PCGF2: variants seen among roughly 807,000 people sequenced by gnomAD.
The protein encoded by PCGF2 is polycomb group RING finger protein 2.
PCGF2 carries 8 observed loss-of-function variants against 36.1 expected under a neutral mutation model. The ratio of observed to expected loss-of-function variants is 0.22; its 90% CI spans 0.13 to 0.40. PCGF2 has a LOEUF of 0.40. Among genes scored for constraint, PCGF2 ranks in the 10% least tolerant of loss-of-function variants. The pLI, the probability that PCGF2 is intolerant of heterozygous loss-of-function variation, is 1.00. For synonymous variants in PCGF2, 198 were observed against 191.2 expected (o/e 1.04, Z -0.29); for missense variants, 436 against 475.9 (o/e 0.92, Z 0.78).
rs777722903 is a variant in PCGF2, at chr17:38,740,348, C to G, written c.55G>C (p.Ala19Pro). The change falls in exon 3 of 11, where the codon GCC (alanine) becomes CCC (proline). Residue 19 changes from alanine to proline, a missense_variant. Coordinates refer to ENST00000620225, the MANE Select transcript of PCGF2 (RefSeq NM_007144.3). ...ITELNPHLMC[A>P]LCGGYFIDAT... ...TCGATGAAGTACCCCCCGCAGAGGG[C>G]ACACATGAGGTGGGGGTTCAGCTCT... The G allele has an allele frequency of 1.9e-6, 3 of 1,610,554 alleles. No homozygotes were observed. Among genetic ancestry groups the G allele is most frequent in the Non-Finnish European group, 2.5e-6 (3 of 1,178,186 alleles).
At chr17:38,737,439 C>A (rs955412274) in intron 9 of PCGF2, among the ~76,000 whole-genome samples, 2 of 151,692 alleles carry the variant, frequency 1.3e-5, no homozygotes, top group Non-Finnish European at 2.9e-5. Flanking sequence ...CTCCAGCCTG[C>A]GTGACAAAGG....
chr17:38,748,020 AG>A (rs974797999), intron 1 of PCGF2, 49 bp from the exon 2 acceptor site: 1 of 152,560 alleles, frequency 6.6e-6, no homozygotes, highest in African/African-American at 2.4e-5. Context: ...GGAGAAAGAA[AG>A]GCGGACGGGG....
chr17:38,741,422 T>G (rs1351880950), intron 2 of PCGF2, among the ~76,000 whole-genome samples: 1 of 152,130 alleles, frequency 6.6e-6, no homozygotes, highest in Admixed American at 6.5e-5. Context: ...AAATAAGTTA[T>G]CCTTACTCCC....
rs1355560599 is a variant in PCGF2, at chr17:38,735,409, G to T, written c.849C>A (p.Ser283=). The stretch of plus-strand genomic sequence containing the variant: ...GCCCATGGGAACTGGGAGAGCCATG[G>T]GATGGGGTGGCTGGGCTGGGCAGGG... ...SSSLPSPATP[S]HGSPSSHGPP... is the part of the protein sequence containing the mutation. The change falls in exon 11 of 11, where the codon TCC becomes TCA. Residue 283 remains serine (S), a synonymous_variant. Transcript: ENST00000620225. 1 of 1,573,948 alleles carries T rather than the reference G, an allele frequency of 6.4e-7. No homozygotes were observed.
At chr17:38,738,998 G>A (rs887076588) in intron 6 of PCGF2, 70 bp downstream of exon 6, 1 of 1,570,912 alleles carries the variant, frequency 6.4e-7, no homozygotes, top group Non-Finnish European at 8.8e-7. Context: ...AGAGGGTGAG[G>A]GGTAGCGCTA....
At position 38,738,451 on chromosome 17, in the gene PCGF2, G is replaced by T. The variant is rs113926345; in HGVS notation, c.481-3C>A. 1 of 1,613,974 alleles carries T rather than the reference G, an allele frequency of 6.2e-7. No individual in the cohort carries two copies. Among genetic ancestry groups the T allele is most frequent in the East Asian group, 2.2e-5 (1 of 44,886 alleles). ...CATCGCAGGAAGCGCACCCCTGTCTGCTGGGGCACAGGCACCCATGGTAGG... is the reference window on the plus strand; with the variant it reads ...CATCGCAGGAAGCGCACCCCTGTCTTCTGGGGCACAGGCACCCATGGTAGG... On this transcript the variant is annotated splice_region_variant and splice_polypyrimidine_tract_variant and intron_variant, in intron 8 of 10. Coordinates refer to ENST00000620225, the MANE Select transcript of PCGF2 (RefSeq NM_007144.3).
In PCGF2 at chr17:38,734,976, CCACACATACACA is replaced by C. The variant is rs1359868290; in HGVS notation, c.*235_*246del. On this transcript the variant is annotated 3_prime_UTR_variant, in exon 11 of 11. Coordinates refer to ENST00000620225, the MANE Select transcript of PCGF2 (RefSeq NM_007144.3). ...CCCCAAAAAAAATGAACACCATTTT[CCACACATACACA>C]CACACATAAAGTTTGTTTCCTGTGG... The C allele has an allele frequency of 2.9e-6, 1 of 345,068 alleles. No individual in the cohort carries two copies. Among genetic ancestry groups the C allele is most frequent in the Non-Finnish European group, 5.2e-6 (1 of 193,560 alleles). 21.4% of individuals were successfully genotyped at this position (345,068 alleles called of 1,614,324 possible).
intron 10 of PCGF2, 77 bp downstream of exon 10, chr17:38,736,013 G>A (rs2143060710): frequency 1.1e-6 from 1 of 938,598 alleles, no homozygotes; most frequent in East Asian, 2.6e-5. Flanking sequence ...GATTACAGAA[G>A]GGTGGCCCAT....
chr17:38,737,142 C>A (rs1444876507), intron 9 of PCGF2, among the ~76,000 whole-genome samples: 5 of 150,548 alleles, frequency 3.3e-5, no homozygotes, highest in Admixed American at 2.0e-4. Flanking sequence ...TCTCAAAAAA[C>A]AAACAAACAA....
At position 38,739,945 on chromosome 17, in the gene PCGF2, G is replaced by A. The variant is rs1907065186; in HGVS notation, c.113-263C>T. ...GTCCCAAGCTCCCCGATGGAGTGGG[G>A]GACAAAAGCCAGCGTGTTCAAGATG... is the stretch of plus-strand genomic sequence containing the variant. On this transcript the variant is annotated intron_variant, in intron 3 of 10. Transcript: ENST00000620225. The surrounding 1 kb of genome is among the most constrained non-coding windows in gnomAD (Gnocchi z 4.0). 1.3e-5 allele frequency among the ~76,000 whole-genome samples: 2 copies of A among 152,064 alleles called. No individual in the cohort carries two copies. Among genetic ancestry groups the A allele is most frequent in the African/African-American group, 4.8e-5 (2 of 41,396 alleles).
chr17:38,735,345 T>C lies in PCGF2; in HGVS notation c.913A>G (p.Thr305Ala), dbSNP rs1188153848. 1 of 1,555,832 alleles carries C rather than the reference T, an allele frequency of 6.4e-7. No homozygotes were observed. Among genetic ancestry groups the C allele is most frequent in the Non-Finnish European group, 8.7e-7 (1 of 1,147,732 alleles). The change falls in exon 11 of 11, where the codon ACA becomes GCA. Residue 305 changes from threonine to alanine, a missense_variant. Thr to Ala is a moderately conservative substitution (Grantham distance 58). Transcript: ENST00000620225. Reference sequence around the variant, plus strand: ...GCAGCTGTGGTGGCCCCACTGGCTGTCGAAGGGGGAGTGGGGGAGGTAGGG... The same window carrying C: ...GCAGCTGTGGTGGCCCCACTGGCTGCCGAAGGGGGAGTGGGGGAGGTAGGG... ...THPTSPTPPS[T>A]ASGATTAANG...
intron 6 of PCGF2, 61 bp from the exon 7 acceptor site, chr17:38,738,922 C>T (rs2143093141): frequency 3.2e-6 from 5 of 1,550,006 alleles, no homozygotes; most frequent in Non-Finnish European, 4.4e-6. Context: ...CGCCAAGGAC[C>T]CAGAGATCAT....
intron 2 of PCGF2, among the ~76,000 whole-genome samples, chr17:38,742,094 C>T (rs368352249): frequency 1.3e-5 from 2 of 152,178 alleles, no homozygotes; most frequent in African/African-American, 4.8e-5. Context: ...CAGCCAGGCC[C>T]GGGCAGGGTC....
chr17:38,745,496 G>GA (rs1489557385), intron 2 of PCGF2, among the ~76,000 whole-genome samples: 1 of 152,178 alleles, frequency 6.6e-6, no homozygotes, highest in Non-Finnish European at 1.5e-5. Context: ...CAGAGTGAAA[G>GA]AAACTCCATC....
upstream of PCGF2, chr17:38,749,627 G>A (rs1432271084): frequency 4.4e-6 from 2 of 455,838 alleles, no homozygotes; most frequent in Non-Finnish European, 8.8e-6. The surrounding 1 kb of genome is among the most constrained non-coding windows in gnomAD (Gnocchi z 6.5). Context: ...GACGGTGGGA[G>A]GCTCGAGTTA....
chr17:38,738,224 C>T lies in PCGF2; in HGVS notation c.576+129G>A, dbSNP rs1261233385. On this transcript the variant is annotated intron_variant, in intron 9 of 10. Coordinates refer to ENST00000620225, the MANE Select transcript of PCGF2 (RefSeq NM_007144.3). ...TTGGTTTCAACCACCCTTCTGTTAA[C>T]GCATGGGCTCAGTTAACCGCGCAAG... 1.2e-5 allele frequency: 9 copies of T among 750,968 alleles called. No individual in the cohort carries two copies. The South Asian group carries it at 1.3e-4, about 11-fold the overall frequency. 46.5% of individuals were successfully genotyped at this position (750,968 alleles called of 1,614,324 possible). A position where few individuals can be genotyped will look rare whatever the true frequency, so the allele number is the denominator to read the frequency against.
intron 2 of PCGF2, among the ~76,000 whole-genome samples, chr17:38,744,154 A>C (rs938240107): frequency 1.3e-5 from 2 of 152,120 alleles, no homozygotes; most frequent in African/African-American, 4.8e-5. Flanking sequence ...TTGTCTTTGC[A>C]AGGGTGTGTG....
rs552544759 is a variant in PCGF2, at chr17:38,739,536, G to A, written c.209+50C>T. On this transcript the variant is annotated intron_variant, in intron 4 of 10. Transcript: ENST00000620225. This position sits in a 1 kb window ranked among gnomAD's most constrained non-coding sequence, Gnocchi z 4.0. Reference sequence around the variant, plus strand: ...AGCACGGAGCGTGGGAGGGATGGGGGAGGCTGACCCAGAGGATCGCGGGGA... The same window carrying A: ...AGCACGGAGCGTGGGAGGGATGGGGAAGGCTGACCCAGAGGATCGCGGGGA... The A allele has an allele frequency of 9.3e-6, 13 of 1,392,938 alleles. No individual in the cohort carries two copies. In the Admixed American group the frequency reaches 1.8e-4, roughly 20 times the overall value. 86.3% of individuals were successfully genotyped at this position (1,392,938 alleles called of 1,614,324 possible).
chr17:38,737,180 T>C (rs1383853385), intron 9 of PCGF2, among the ~76,000 whole-genome samples: 1 of 148,822 alleles, frequency 6.7e-6, no homozygotes, highest in Non-Finnish European at 1.5e-5. Context: ...CACCAATGCC[T>C]GGCTAGGTGC....
Sources: allele counts gnomAD v4.1 joint callset (sites outside exome capture counted in the v4.1 genomes callset), GRCh38; gene constraint gnomAD v4.1.1; non-coding constraint Gnocchi (gnomAD v3.1); transcripts MANE v1.5; gene names NCBI Gene and HGNC (gene_info 2026-07-23, HGNC 2026-07-21).